PPP2R5E: variants seen among roughly 807,000 people sequenced by gnomAD.
PPP2R5E encodes the protein serine/threonine-protein phosphatase 2A 56 kDa regulatory subunit epsilon isoform.
Under a neutral mutation model 65.3 loss-of-function variants are expected in PPP2R5E, and 4 were observed. The observed-to-expected ratio is 0.06, with a 90% CI of 0.03 to 0.14. PPP2R5E has a LOEUF of 0.14. PPP2R5E is among the 10% of genes least tolerant of loss of function. The pLI is 1.00. For synonymous variants in PPP2R5E, 183 were observed against 187.4 expected (o/e 0.98, Z 0.19); for missense variants, 274 against 556.1 (o/e 0.49, Z 5.10).
chr14:63,529,164 G>A (rs1015345734), intron 2 of PPP2R5E, among the ~76,000 whole-genome samples: 1 of 152,088 alleles, frequency 6.6e-6, no homozygotes, highest in East Asian at 1.9e-4. Flanking sequence ...GTCTCACTAT[G>A]TTGCCCAGGT....
intron 2 of PPP2R5E, among the ~76,000 whole-genome samples, chr14:63,493,342 T>G (rs978578962): frequency 7.9e-5 from 12 of 152,058 alleles, no homozygotes; most frequent in Non-Finnish European, 1.8e-4. Flanking sequence ...GCAGCTCTTC[T>G]GTGAACTATA....
At chr14:63,480,166 T>C (rs1406992581) in intron 2 of PPP2R5E, among the ~76,000 whole-genome samples, 1 of 151,978 alleles carries the variant, frequency 6.6e-6, no homozygotes, top group Non-Finnish European at 1.5e-5. Flanking sequence ...TTCTTAAGAG[T>C]TGGGGTCTCG....
At position 63,392,401 on chromosome 14, in the gene PPP2R5E, C is replaced by G. The variant is rs1400058190; in HGVS notation, c.850-376G>C. 2.0e-5 allele frequency among the ~76,000 whole-genome samples: 3 copies of G among 152,212 alleles called. No homozygotes were observed. The East Asian group carries it at 5.8e-4, about 29-fold the overall frequency. On this transcript the variant is annotated intron_variant, in intron 8 of 13. Coordinates refer to ENST00000337537, the MANE Select transcript of PPP2R5E (RefSeq NM_006246.5). ...CTAATATCAACAGTACTGAGTTTTA[C>G]TGTAGTTCCACAAGAGTCCTCTATG... is the stretch of plus-strand genomic sequence containing the variant.
rs78546486 is a variant in PPP2R5E at position 63,421,291 on chromosome 14, T to G, written c.456+702A>C. ...TCCTTGCTCTATTCTTTTGAGAAAT[T>G]TTGGCCTTCAGAGAAGGCAGCACAA... On this transcript the variant is annotated intron_variant, in intron 4 of 13. Transcript: ENST00000337537. Among the ~76,000 whole-genome samples the G allele has an allele frequency of 3.1e-3, 466 of 152,196 alleles. 2 individuals are homozygous for G. Among genetic ancestry groups the G allele is most frequent in the African/African-American group, 0.011 (439 of 41,538 alleles).
intron 2 of PPP2R5E, among the ~76,000 whole-genome samples, chr14:63,456,036 G>A (rs769616356): frequency 6.6e-6 from 1 of 151,936 alleles, no homozygotes; most frequent in Non-Finnish European, 1.5e-5. Context: ...CAAAGTGTTG[G>A]GATTACAGGC....
intron 2 of PPP2R5E, among the ~76,000 whole-genome samples, chr14:63,470,716 A>G (rs1259458366): frequency 7.4e-6 from 1 of 134,496 alleles, no homozygotes; most frequent in Non-Finnish European, 1.5e-5. Context: ...AGCCTTTATC[A>G]ACAGATTAAA....
At chr14:63,394,461 C>T (rs370883929) in intron 7 of PPP2R5E, among the ~76,000 whole-genome samples, 2 of 152,202 alleles carry the variant, frequency 1.3e-5, no homozygotes, top group African/African-American at 2.4e-5. Flanking sequence ...TCTGGTCACC[C>T]AACAAAGGCT....
At chr14:63,531,681 C>T (rs1044957273) in intron 2 of PPP2R5E, among the ~76,000 whole-genome samples, 1 of 150,692 alleles carries the variant, frequency 6.6e-6, no homozygotes, top group African/African-American at 2.4e-5. Flanking sequence ...CGGCCGGGTG[C>T]GGTGGCTCAT....
intron 2 of PPP2R5E, among the ~76,000 whole-genome samples, chr14:63,530,815 C>A (rs1332074270): frequency 1.3e-5 from 2 of 151,618 alleles, no homozygotes; most frequent in Non-Finnish European, 2.9e-5. Flanking sequence ...TGGGGTTTCA[C>A]CATGTTGGCC....
intron 2 of PPP2R5E, among the ~76,000 whole-genome samples, chr14:63,486,139 G>A (rs1890983298): frequency 1.3e-5 from 2 of 151,804 alleles, no homozygotes; most frequent in East Asian, 1.9e-4. Flanking sequence ...GACAACAAAC[G>A]TTTTTGATGG....
intron 3 of PPP2R5E, among the ~76,000 whole-genome samples, chr14:63,440,413 A>G (rs1197198471): frequency 7.7e-6 from 1 of 130,446 alleles, no homozygotes; most frequent in African/African-American, 3.5e-5. Context: ...AACTGTTCTT[A>G]AGCAAAAAAA....
At chr14:63,400,420 A>G (rs1566675659) in intron 5 of PPP2R5E, among the ~76,000 whole-genome samples, 2 of 152,196 alleles carry the variant, frequency 1.3e-5, no homozygotes, top group Non-Finnish European at 2.9e-5. Context: ...AGGAGTTAGA[A>G]GTGGGATATG....
intron 2 of PPP2R5E, among the ~76,000 whole-genome samples, chr14:63,497,216 A>C (rs1326988170): frequency 6.6e-6 from 1 of 152,166 alleles, no homozygotes; most frequent in Non-Finnish European, 1.5e-5. Context: ...ACAGATGCAT[A>C]AACGTATGAC....
At chr14:63,459,653 G>T (rs1232980622) in intron 2 of PPP2R5E, among the ~76,000 whole-genome samples, 1 of 152,176 alleles carries the variant, frequency 6.6e-6, no homozygotes, top group Admixed American at 6.5e-5. Context: ...GATGTTTGTT[G>T]TTGATGATGG....
intron 13 of PPP2R5E, among the ~76,000 whole-genome samples, chr14:63,378,362 T>C (rs1266353435): frequency 6.6e-6 from 1 of 152,228 alleles, no homozygotes; most frequent in Non-Finnish European, 1.5e-5. Flanking sequence ...ACCTTGACGA[T>C]GACCTTGAGC....
chr14:63,391,033 C>T (rs765484884), intron 10 of PPP2R5E, among the ~76,000 whole-genome samples: 1 of 152,226 alleles, frequency 6.6e-6, no homozygotes, highest in East Asian at 1.9e-4. Flanking sequence ...TAAGATGACA[C>T]AGCAAGATCC....
At chr14:63,523,096 C>A (rs1348234516) in intron 2 of PPP2R5E, among the ~76,000 whole-genome samples, 1 of 145,992 alleles carries the variant, frequency 6.8e-6, no homozygotes, top group Non-Finnish European at 1.5e-5. Context: ...GGGGGGTCAG[C>A]CCCCCGCCCG....
chr14:63,491,777 G>A lies in PPP2R5E; in HGVS notation c.158-37892C>T, dbSNP rs1891297138. Reference sequence around the variant, plus strand: ...CAGGAGAATCGCTTAAACCTGGGAGGCAGAGGTTGCAGTGAGCAGAGATTG... The same window carrying A: ...CAGGAGAATCGCTTAAACCTGGGAGACAGAGGTTGCAGTGAGCAGAGATTG... On this transcript the variant is annotated intron_variant, in intron 2 of 13. Coordinates refer to ENST00000337537, the MANE Select transcript of PPP2R5E (RefSeq NM_006246.5). 2.0e-5 allele frequency among the ~76,000 whole-genome samples: 3 copies of A among 152,088 alleles called. No individual in the cohort carries two copies. The South Asian group carries it at 6.2e-4, about 32-fold the overall frequency.
At chr14:63,498,520 A>G (rs1431051701) in intron 2 of PPP2R5E, among the ~76,000 whole-genome samples, 5 of 152,166 alleles carry the variant, frequency 3.3e-5, no homozygotes, top group Non-Finnish European at 5.9e-5. Flanking sequence ...AGAAAATACA[A>G]TAACAAAACA....
Sources: allele counts gnomAD v4.1 joint callset (sites outside exome capture counted in the v4.1 genomes callset), GRCh38; gene constraint gnomAD v4.1.1; transcripts MANE v1.5; gene names NCBI Gene and HGNC (gene_info 2026-07-23, HGNC 2026-07-21).